The following RBFOX1 variants were observed in gnomAD, a reference collection of about 807,000 sequenced individuals.
RBFOX1 encodes the protein RNA binding protein fox-1 homolog 1.
A neutral mutation model predicts 57.7 loss-of-function variants in RBFOX1; 8 were observed. That is an observed-to-expected ratio of 0.14 (90% confidence interval 0.08 to 0.25). The LOEUF (loss-of-function observed/expected upper bound fraction) is 0.25, where lower values mean the gene tolerates loss of function less well. RBFOX1 is among the 10% of genes least tolerant of loss of function. RBFOX1 has a pLI of 1.00. For missense variants in RBFOX1, 611 were observed against 548.5 expected (o/e 1.11, Z -1.14); for synonymous variants, 326 against 222.4 (o/e 1.47, Z -4.15).
chr16:6,465,787 A>C (rs989372715), intron 2 of RBFOX1, among the ~76,000 whole-genome samples: 4 of 152,058 alleles, frequency 2.6e-5, no homozygotes, highest in Non-Finnish European at 5.9e-5. Context: ...GGCTCTTTGC[A>C]GGACAAAAGA....
chr16:6,675,417 G>A (rs1220708015), intron 3 of RBFOX1, among the ~76,000 whole-genome samples: 1 of 152,000 alleles, frequency 6.6e-6, no homozygotes, highest in Non-Finnish European at 1.5e-5. Context: ...CTCTTCCCAA[G>A]CAGAGCAAAC....
intron 2 of RBFOX1, among the ~76,000 whole-genome samples, chr16:5,576,637 G>C (rs188536507): frequency 6.6e-6 from 1 of 152,302 alleles, no homozygotes; most frequent in Non-Finnish European, 1.5e-5. Context: ...TTTTCCGCTG[G>C]TTTTGGAGGT....
At chr16:7,194,363 C>T (rs575141217) in intron 4 of RBFOX1, among the ~76,000 whole-genome samples, 16 of 152,230 alleles carry the variant, frequency 1.1e-4, no homozygotes, top group African/African-American at 3.1e-4. Flanking sequence ...AAAAATAATG[C>T]ATTTCAATTT....
chr16:7,247,758 G>A (rs2094358262), intron 4 of RBFOX1, among the ~76,000 whole-genome samples: 1 of 152,150 alleles, frequency 6.6e-6, no homozygotes, highest in South Asian at 2.1e-4. Flanking sequence ...CAGGGAGCAA[G>A]GTCGGTGCTG....
At chr16:7,266,958 C>G (rs945645385) in intron 4 of RBFOX1, among the ~76,000 whole-genome samples, 4 of 151,924 alleles carry the variant, frequency 2.6e-5, no homozygotes, top group African/African-American at 9.7e-5. Flanking sequence ...GAGAGAAGAT[C>G]ATGTTCAAAA....
At chr16:7,258,171 T>A (rs546850548) in intron 4 of RBFOX1, among the ~76,000 whole-genome samples, 3 of 152,164 alleles carry the variant, frequency 2.0e-5, no homozygotes, top group Admixed American at 6.5e-5. Flanking sequence ...TCTGGAGAGC[T>A]TTAGGTATGG....
intron 1 of RBFOX1, among the ~76,000 whole-genome samples, chr16:6,198,815 T>C (rs1276445502): frequency 6.6e-6 from 1 of 152,068 alleles, no homozygotes; most frequent in East Asian, 1.9e-4. Flanking sequence ...AACAAAATTA[T>C]ATTGAGGGAA....
chr16:6,073,220 T>C (rs2095857590), intron 1 of RBFOX1, among the ~76,000 whole-genome samples: 1 of 152,214 alleles, frequency 6.6e-6, no homozygotes, highest in East Asian at 1.9e-4. Context: ...CTTCCAGGGC[T>C]GAGATGAACT....
intron 4 of RBFOX1, among the ~76,000 whole-genome samples, chr16:7,214,468 C>T (rs1268990474): frequency 2.6e-5 from 4 of 152,086 alleles, no homozygotes; most frequent in South Asian, 2.1e-4. Context: ...CATGCCTCTC[C>T]GATCCATCCA....
At chr16:6,119,536 C>T (rs532572547) in intron 1 of RBFOX1, among the ~76,000 whole-genome samples, 1 of 152,310 alleles carries the variant, frequency 6.6e-6, no homozygotes, top group Admixed American at 6.5e-5. Context: ...TCAATTTCCT[C>T]TCATGCCCTG....
chr16:7,164,364 G>A (rs2079002769), intron 4 of RBFOX1, among the ~76,000 whole-genome samples: 1 of 152,050 alleles, frequency 6.6e-6, no homozygotes, highest in Non-Finnish European at 1.5e-5. Flanking sequence ...CCACTCATTG[G>A]CTAATGGGCA....
chr16:7,398,052 T>G (rs2098171436), intron 4 of RBFOX1, among the ~76,000 whole-genome samples: 1 of 152,114 alleles, frequency 6.6e-6, no homozygotes, highest in Non-Finnish European at 1.5e-5. Context: ...GTTTGGTGAT[T>G]TAACCTCCCC....
intron 3 of RBFOX1, among the ~76,000 whole-genome samples, chr16:6,978,133 C>G (rs935806139): frequency 6.6e-6 from 1 of 151,924 alleles, no homozygotes; most frequent in African/African-American, 2.4e-5. Context: ...ACACAACAGC[C>G]GGGCATGATG....
chr16:5,738,222 T>C (rs1414986143), intron 3 of RBFOX1, among the ~76,000 whole-genome samples: 1 of 152,164 alleles, frequency 6.6e-6, no homozygotes. Flanking sequence ...CTTTGTCACA[T>C]GCAGAGAATG....
At chr16:7,055,075 T>C (rs1305214963) in intron 4 of RBFOX1, among the ~76,000 whole-genome samples, 1 of 152,190 alleles carries the variant, frequency 6.6e-6, no homozygotes, top group Non-Finnish European at 1.5e-5. Flanking sequence ...CTTGAAGATA[T>C]TAAGGAGTCT....
chr16:7,355,933 C>G (rs1156448803), intron 4 of RBFOX1, among the ~76,000 whole-genome samples: 3 of 152,294 alleles, frequency 2.0e-5, no homozygotes, highest in South Asian at 2.1e-4. Flanking sequence ...AAAATGAGGT[C>G]AAGGCCAAAA....
At chr16:6,313,662 C>T (rs1419652186) in intron 1 of RBFOX1, among the ~76,000 whole-genome samples, 1 of 152,122 alleles carries the variant, frequency 6.6e-6, no homozygotes, top group Non-Finnish European at 1.5e-5. Context: ...TGACTTTGTT[C>T]CAATGTCCTC....
chr16:6,435,611 G>A (rs8047925), intron 2 of RBFOX1, among the ~76,000 whole-genome samples: 47,275 of 151,914 alleles, frequency 0.31, 8,233 homozygotes, highest in African/African-American at 0.46. Context: ...GCCAGTATTC[G>A]TTTTATATAG....
intron 2 of RBFOX1, among the ~76,000 whole-genome samples, chr16:6,522,915 C>G (rs147726204): frequency 1.3e-5 from 2 of 152,218 alleles, no homozygotes; most frequent in East Asian, 3.9e-4. Context: ...TCATTTTGGA[C>G]TCGGGGACTT....
Sources: gnomAD v4.1 joint callset for allele counts (sites outside exome capture counted in the v4.1 genomes callset) on GRCh38, gnomAD v4.1.1 for gene constraint, MANE v1.5 for transcripts, NCBI Gene and HGNC (gene_info 2026-07-23, HGNC 2026-07-21) for gene names.